Variants in JMY observed in about 807,000 individuals in gnomAD.
JMY encodes the protein junction mediating and regulatory protein, p53 cofactor.
A neutral mutation model predicts 103.3 loss-of-function variants in JMY; 46 were observed. The ratio of observed to expected loss-of-function variants is 0.45; its 90% CI spans 0.35 to 0.57. The LOEUF (loss-of-function observed/expected upper bound fraction) is 0.57, where lower values mean the gene tolerates loss of function less well. JMY is among the 20% of genes least tolerant of loss of function. The probability of loss-of-function intolerance (pLI) is 0.00; values close to 1 mark genes in which losing one functional copy is unlikely to be tolerated. For missense variants in JMY, 1,238 were observed against 1,255.2 expected (o/e 0.99, Z 0.21); for synonymous variants, 526 against 489.3 (o/e 1.07, Z -0.99).
intron 1 of JMY, among the ~76,000 whole-genome samples, chr5:79,247,364 G>A (rs930332212): frequency 1.3e-5 from 2 of 151,912 alleles, no homozygotes; most frequent in Admixed American, 6.6e-5. Context: ...GTGTGGTGGC[G>A]TGATCTCGGT....
In JMY at chr5:79,270,562, A is replaced by G. The variant is rs1407583040; in HGVS notation, c.1033-7348A>G. 6.1e-5 allele frequency among the ~76,000 whole-genome samples: 8 copies of G among 130,184 alleles called. 2 individuals carry two copies. The highest frequency in any genetic ancestry group is 9.7e-5 in the Non-Finnish European group (6 of 61,566). 85.4% of individuals were successfully genotyped at this position (130,184 alleles called of 152,430 possible). On this transcript the variant is annotated intron_variant, in intron 1 of 10. Coordinates refer to ENST00000396137, the MANE Select transcript of JMY (RefSeq NM_152405.5). ...ATATTTAAAATGTATATTTACATAA[A>G]TATTTAAAATGTATATTTACATAAA...
intron 1 of JMY, among the ~76,000 whole-genome samples, chr5:79,248,170 C>T (rs553638574): frequency 5.9e-5 from 9 of 152,160 alleles, no homozygotes; most frequent in African/African-American, 1.2e-4. Flanking sequence ...GGATTACAGG[C>T]GTGAGCCACC....
chr5:79,309,540 C>T (rs542045264), intron 7 of JMY, among the ~76,000 whole-genome samples: 2 of 152,162 alleles, frequency 1.3e-5, no homozygotes, highest in African/African-American at 4.8e-5. Flanking sequence ...TCAGAAATGC[C>T]AACATGACCA....
Position 79,237,547 on chromosome 5 carries a change from C to G in JMY, c.897C>G (p.Thr299=), listed in dbSNP as rs879480130. Residue 299 remains threonine (T), a synonymous_variant, in exon 1 of 11, where the codon ACC becomes ACG. Transcript: ENST00000396137. ...TCTACCTGGGCCACGGCCTGGACAC[C>G]TGCGGCTGGAAGATCCTCTCCCAGG... ...LQVYLGHGLD[T]CGWKILSQVL... The G allele has an allele frequency of 1.2e-6, 2 of 1,613,714 alleles. No individual in the cohort carries two copies. Among genetic ancestry groups the G allele is most frequent in the Non-Finnish European group, 1.7e-6 (2 of 1,180,020 alleles).
chr5:79,236,467 C>T lies in JMY; in HGVS notation c.-184C>T. On this transcript the variant is annotated 5_prime_UTR_variant, in exon 1 of 11. Transcript: ENST00000396137. ...CTTATTGTCCTTCTCTCGATCCGCGCCACAAAGGAGCTCGGCGGTCGGGGC... is the reference window on the plus strand; with the variant it reads ...CTTATTGTCCTTCTCTCGATCCGCGTCACAAAGGAGCTCGGCGGTCGGGGC... 4.5e-6 allele frequency: 2 copies of T among 439,862 alleles called. No individual in the cohort carries two copies. The highest frequency in any genetic ancestry group is 7.8e-6 in the Non-Finnish European group (2 of 256,784). 27.2% of individuals were successfully genotyped at this position (439,862 alleles called of 1,614,324 possible). A position where few individuals can be genotyped will look rare whatever the true frequency, so the allele number is the denominator to read the frequency against.
chr5:79,308,868 A>G (rs1354591665), intron 7 of JMY, among the ~76,000 whole-genome samples: 1 of 152,134 alleles, frequency 6.6e-6, no homozygotes, highest in Non-Finnish European at 1.5e-5. Context: ...AGAGTTTTAT[A>G]ATTTTCCTCA....
chr5:79,254,598 G>C (rs1307067802), intron 1 of JMY, among the ~76,000 whole-genome samples: 1 of 151,954 alleles, frequency 6.6e-6, no homozygotes, highest in East Asian at 1.9e-4. Flanking sequence ...TTGACTGTTG[G>C]AAGTTTGATT....
Position 79,300,847 on chromosome 5 carries a change from ACCTC to A in JMY, c.1866_1869del (p.Tyr622Ter). 6.3e-7 allele frequency: 1 copy of A among 1,590,776 alleles called. No homozygotes were observed. Among genetic ancestry groups the A allele is most frequent in the African/African-American group, 1.4e-5 (1 of 73,366 alleles). ...GGACGGGTTTCTGCCAAGAAATCCT[ACCTC>A]AGAAATAAAAAGGTATTTAAATATT... On this transcript the variant is annotated frameshift_variant, in exon 6 of 11. Transcript: ENST00000396137. LOFTEE classifies it high-confidence loss of function.
rs773379183 is a variant in JMY at position 79,315,982 on chromosome 5, C to G, written c.2660-18C>G. Reference sequence around the variant, plus strand: ...GTGCAGTCCTAACTGTAATACTGTTCTGTTTCATTTTCCAAAGTGAGCTCA... The same window carrying G: ...GTGCAGTCCTAACTGTAATACTGTTGTGTTTCATTTTCCAAAGTGAGCTCA... On this transcript the variant is annotated intron_variant, in intron 9 of 10. Coordinates refer to ENST00000396137, the MANE Select transcript of JMY (RefSeq NM_152405.5). The G allele has an allele frequency of 1.2e-6, 2 of 1,607,898 alleles. No homozygotes were observed. Among genetic ancestry groups the G allele is most frequent in the Non-Finnish European group, 1.7e-6 (2 of 1,176,200 alleles).
At chr5:79,299,185 C>T (rs984456951) in intron 4 of JMY, among the ~76,000 whole-genome samples, 11 of 152,160 alleles carry the variant, frequency 7.2e-5, no homozygotes, top group African/African-American at 2.7e-4. Flanking sequence ...CACTGATGCC[C>T]GTATCGGGGC....
At chr5:79,297,520 T>A (rs1387234100) in intron 4 of JMY, among the ~76,000 whole-genome samples, 1 of 152,200 alleles carries the variant, frequency 6.6e-6, no homozygotes, top group Non-Finnish European at 1.5e-5. Context: ...GGGTGCCCGC[T>A]CCATACCTCT....
intron 1 of JMY, among the ~76,000 whole-genome samples, chr5:79,274,379 C>CT (rs1317693300): frequency 6.6e-6 from 1 of 151,282 alleles, no homozygotes; most frequent in Non-Finnish European, 1.5e-5. Context: ...TCATTGATTG[C>CT]TTTTTTTAAA....
At chr5:79,249,711 C>CA (rs1745017400) in intron 1 of JMY, among the ~76,000 whole-genome samples, 1 of 152,122 alleles carries the variant, frequency 6.6e-6, no homozygotes. Context: ...CTAACTGCAC[C>CA]ATTCCCCAGT....
chr5:79,247,010 A>C (rs1320392761), intron 1 of JMY, among the ~76,000 whole-genome samples: 1 of 152,214 alleles, frequency 6.6e-6, no homozygotes, highest in Non-Finnish European at 1.5e-5. Context: ...AGAGGTAGAG[A>C]ATTGGTAAAT....
chr5:79,286,177 G>A (rs945103033), intron 2 of JMY, among the ~76,000 whole-genome samples: 3 of 152,192 alleles, frequency 2.0e-5, no homozygotes, highest in East Asian at 1.9e-4. Flanking sequence ...TTAAAGCTAC[G>A]AAACTTCAAA....
At chr5:79,258,305 GTTTTTGTTGTTT>G (rs992603952) in intron 1 of JMY, among the ~76,000 whole-genome samples, 1 of 117,026 alleles carries the variant, frequency 8.5e-6, no homozygotes, top group Non-Finnish European at 1.8e-5. Flanking sequence ...GGCTTTTTTT[GTTTTTGTTGTTT>G]TTTTTTTTTT....
At position 79,237,403 on chromosome 5, in the gene JMY, G is replaced by T. The variant is rs947251133; in HGVS notation, c.753G>T (p.Gln251His). 3 of 1,613,554 alleles carry T rather than the reference G, an allele frequency of 1.9e-6. No homozygotes were observed. In the South Asian group the frequency reaches 3.3e-5, roughly 18 times the overall value. ...AGCAGCTGTGCTCGGTGAACTCGCA[G>T]TTGGAGCCGTGCCTGCCGGTGTTCC... ...VHQQLCSVNS[Q>H]LEPCLPVFPE... The change falls in exon 1 of 11, where the codon CAG becomes CAT. Residue 251 changes from glutamine to histidine, a missense_variant. By Grantham distance (24) the Gln-to-His change is conservative (BLOSUM62 0). Transcript: ENST00000396137.
intron 2 of JMY, among the ~76,000 whole-genome samples, chr5:79,285,937 T>C (rs1746254801): frequency 1.4e-5 from 2 of 147,232 alleles, no homozygotes; most frequent in South Asian, 4.3e-4. Flanking sequence ...TATAAACTAG[T>C]TTCGCTATCC....
chr5:79,249,449 A>G (rs887714989), intron 1 of JMY, among the ~76,000 whole-genome samples: 3 of 152,202 alleles, frequency 2.0e-5, no homozygotes, highest in Non-Finnish European at 4.4e-5. Flanking sequence ...GCTTTTGTAA[A>G]CAGTATGTTA....
Sources: gnomAD v4.1 joint callset for allele counts (sites outside exome capture counted in the v4.1 genomes callset) on GRCh38, gnomAD v4.1.1 for gene constraint, MANE v1.5 for transcripts, NCBI Gene and HGNC (gene_info 2026-07-23, HGNC 2026-07-21) for gene names.